The following DNAJC5B variants were observed in gnomAD, a reference collection of about 807,000 sequenced individuals.
DNAJC5B encodes the protein DnaJ heat shock protein family (Hsp40) member C5 beta.
A neutral mutation model predicts 24.7 loss-of-function variants in DNAJC5B; 23 were observed. The ratio of observed to expected loss-of-function variants is 0.93; its 90% CI spans 0.67 to 1.32. The LOEUF is 1.32. Ranked by LOEUF, DNAJC5B falls within the 40% of genes most tolerant of loss-of-function variation. The pLI, the probability that DNAJC5B is intolerant of heterozygous loss-of-function variation, is 0.00. For missense variants in DNAJC5B, 238 were observed against 240.8 expected (o/e 0.99, Z 0.08); for synonymous variants, 101 against 90.1 (o/e 1.12, Z -0.68).
intron 1 of DNAJC5B, 42 bp from the exon 2 acceptor site, chr8:66,043,446 A>T (rs1042635816): frequency 6.6e-6 from 1 of 152,238 alleles, no homozygotes; most frequent in African/African-American, 2.4e-5. Context: ...TGCAAGCTTT[A>T]CGGTCATGCA....
chr8:66,083,074 C>T (rs1396052891), intron 5 of DNAJC5B, among the ~76,000 whole-genome samples: 9 of 141,776 alleles, frequency 6.3e-5, no homozygotes, highest in East Asian at 2.0e-4. Context: ...TGCAGTGGCA[C>T]GATCTCGGCT....
At chr8:66,095,327 C>A (rs528059829) in intron 5 of DNAJC5B, among the ~76,000 whole-genome samples, 8 of 151,916 alleles carry the variant, frequency 5.3e-5, no homozygotes, top group African/African-American at 1.9e-4. Flanking sequence ...TCAAGATTTC[C>A]TCTTATCCTT....
chr8:66,085,394 C>T (rs1400836709), intron 5 of DNAJC5B, among the ~76,000 whole-genome samples: 1 of 151,800 alleles, frequency 6.6e-6, no homozygotes, highest in African/African-American at 2.4e-5. Flanking sequence ...GAGCAGAGGT[C>T]GTGCCACTGC....
intron 4 of DNAJC5B, among the ~76,000 whole-genome samples, chr8:66,079,104 T>G (rs1053140166): frequency 6.6e-6 from 1 of 152,198 alleles, no homozygotes; most frequent in Non-Finnish European, 1.5e-5. Context: ...TTGGAGGAGT[T>G]GAGAGTTTCT....
intron 5 of DNAJC5B, among the ~76,000 whole-genome samples, chr8:66,095,252 C>T (rs796846665): frequency 2.0e-5 from 3 of 152,156 alleles, no homozygotes; most frequent in African/African-American, 7.2e-5. Context: ...ATTTAATTTA[C>T]TTAATGTTTA....
rs1481070745 is a variant in DNAJC5B, at chr8:66,051,661, C to G, written c.114C>G (p.Thr38=). The G allele has an allele frequency of 6.2e-7, 1 of 1,606,714 alleles. No homozygotes were observed. ...CATCAAATGAAGAAATTAAGAAAAC[C>G]TACAGGTACGGATTTCAATGGTGAC... ...KGASNEEIKK[T]YRKLALKHHP... is the part of the protein sequence containing the mutation. The change falls in exon 3 of 6, where the codon ACC becomes ACG. Residue 38 remains threonine, a synonymous_variant. Coordinates refer to ENST00000276570, the MANE Select transcript of DNAJC5B (RefSeq NM_033105.6).
chr8:66,032,278 G>A lies in DNAJC5B; in HGVS notation c.-142+10573G>A, dbSNP rs142262849. On this transcript the variant is annotated intron_variant, in intron 1 of 5. Coordinates refer to ENST00000276570, the MANE Select transcript of DNAJC5B (RefSeq NM_033105.6). ...TGGAGAAGAGCTGAAGGCATTGGCC[G>A]CTGGCCAACACTCAGGGCAGCAGCA... 6.6e-4 allele frequency among the ~76,000 whole-genome samples: 101 copies of A among 152,342 alleles called. 1 individual carries two copies. The highest frequency in any genetic ancestry group is 3.7e-3 in the Admixed American group (56 of 15,308).
chr8:66,070,929 C>A (rs1484238643), intron 3 of DNAJC5B, among the ~76,000 whole-genome samples: 3 of 152,106 alleles, frequency 2.0e-5, no homozygotes, highest in Non-Finnish European at 4.4e-5. Flanking sequence ...TTTGACAGAC[C>A]TGACACAAAC....
intron 5 of DNAJC5B, among the ~76,000 whole-genome samples, chr8:66,098,530 G>A (rs930581687): frequency 2.0e-5 from 3 of 152,174 alleles, no homozygotes; most frequent in African/African-American, 7.2e-5. Context: ...TGGATCTATG[G>A]ATTGGTGTAT....
chr8:66,040,152 G>T (rs1250296741), intron 1 of DNAJC5B, among the ~76,000 whole-genome samples: 6 of 152,166 alleles, frequency 3.9e-5, no homozygotes, highest in Admixed American at 6.5e-5. Context: ...AGCACTTTGG[G>T]AGGCCGAGGC....
chr8:66,055,338 A>C (rs116243651), intron 3 of DNAJC5B, among the ~76,000 whole-genome samples: 2,402 of 152,274 alleles, frequency 0.016, 55 homozygotes, highest in African/African-American at 0.054. Context: ...TAGGATCTGG[A>C]TCAAAGCAGT....
At chr8:66,088,591 T>C (rs1403794372) in intron 5 of DNAJC5B, among the ~76,000 whole-genome samples, 1 of 152,174 alleles carries the variant, frequency 6.6e-6, no homozygotes, top group African/African-American at 2.4e-5. Flanking sequence ...CATCTCTTTG[T>C]GAACACATAT....
intron 1 of DNAJC5B, among the ~76,000 whole-genome samples, chr8:66,028,026 A>T (rs1447064931): frequency 1.3e-5 from 2 of 152,252 alleles, no homozygotes; most frequent in African/African-American, 4.8e-5. Flanking sequence ...AGGAAACTAC[A>T]AAACTATGTG....
chr8:66,058,246 G>A (rs1448270956), intron 3 of DNAJC5B, among the ~76,000 whole-genome samples: 1 of 152,098 alleles, frequency 6.6e-6, no homozygotes, highest in African/African-American at 2.4e-5. Flanking sequence ...AGATATTCAG[G>A]TAGTTTCCCA....
At chr8:66,096,098 C>T (rs1420967964) in intron 5 of DNAJC5B, among the ~76,000 whole-genome samples, 2 of 152,172 alleles carry the variant, frequency 1.3e-5, no homozygotes, top group African/African-American at 4.8e-5. Context: ...GAAATTTATT[C>T]TCTCACAGTT....
Position 66,076,892 on chromosome 8 carries a change from T to C in DNAJC5B, c.333+19T>C, listed in dbSNP as rs1435680424. On this transcript the variant is annotated intron_variant, in intron 4 of 5. Transcript: ENST00000276570. The stretch of plus-strand genomic sequence containing the variant: ...GGCAAAGGTGAAACTGAATTTCCTT[T>C]CTTCACAATCTCCTGTAAGACCATG... 6.2e-7 allele frequency: 1 copy of C among 1,613,034 alleles called. No homozygotes were observed. The highest frequency in any genetic ancestry group is 1.7e-5 in the Admixed American group (1 of 59,968).
intron 1 of DNAJC5B, among the ~76,000 whole-genome samples, chr8:66,026,211 T>G (rs1806240127): frequency 6.7e-6 from 1 of 148,154 alleles, no homozygotes; most frequent in Non-Finnish European, 1.5e-5. Context: ...CACTCATGAT[T>G]TGGCTCTCTG....
chr8:66,045,849 A>T (rs1421182164), intron 2 of DNAJC5B, among the ~76,000 whole-genome samples: 2 of 152,172 alleles, frequency 1.3e-5, no homozygotes, highest in African/African-American at 4.8e-5. Context: ...CAACTCCAGA[A>T]ACCTCGGAGT....
rs148604701 is a variant in DNAJC5B at position 66,097,584 on chromosome 8, G to A, written c.506-2353G>A. Among the ~76,000 whole-genome samples, 402 of 150,158 alleles carry A rather than the reference G, an allele frequency of 2.7e-3. 2 individuals carry two copies. The highest frequency in any genetic ancestry group is 9.4e-3 in the African/African-American group (382 of 40,834). ...TTTTTACAGCTCAATTCTTTCATCT[G>A]ATAACTGTTTCTGCCTGAATTATAT... On this transcript the variant is annotated intron_variant, in intron 5 of 5. Transcript: ENST00000276570.
Sources: allele counts gnomAD v4.1 joint callset (sites outside exome capture counted in the v4.1 genomes callset), GRCh38; gene constraint gnomAD v4.1.1; transcripts MANE v1.5; gene names NCBI Gene and HGNC (gene_info 2026-07-23, HGNC 2026-07-21).